Variants in DOCK3 observed in about 807,000 individuals in gnomAD.
The protein encoded by DOCK3 is dedicator of cytokinesis 3, also known as dedicator of cytokinesis protein 3.
DOCK3 carries 60 observed loss-of-function variants against 265.6 expected under a neutral mutation model. That is an observed-to-expected ratio of 0.23 (90% CI 0.18 to 0.28). The LOEUF is 0.28. Among genes scored for constraint, DOCK3 ranks in the 10% least tolerant of loss-of-function variants. The probability of loss-of-function intolerance (pLI) is 1.00; values close to 1 mark genes in which losing one functional copy is unlikely to be tolerated. For missense variants in DOCK3, 1,981 were observed against 2,594.3 expected (o/e 0.76, Z 5.14); for synonymous variants, 881 against 938.0 (o/e 0.94, Z 1.11).
chr3:51,060,162 A>G (rs1467173641), intron 5 of DOCK3, among the ~76,000 whole-genome samples: 1 of 135,380 alleles, frequency 7.4e-6, no homozygotes. Context: ...TAATAATAAA[A>G]TAAAATAAGA....
chr3:51,177,395 G>A (rs1276829034), intron 12 of DOCK3, among the ~76,000 whole-genome samples: 3 of 152,002 alleles, frequency 2.0e-5, no homozygotes, highest in East Asian at 3.9e-4. Context: ...AATAATATAG[G>A]CATAAATTAG....
chr3:51,025,335 T>C (rs2079768499), intron 5 of DOCK3, among the ~76,000 whole-genome samples: 1 of 151,964 alleles, frequency 6.6e-6, no homozygotes, highest in Non-Finnish European at 1.5e-5. Flanking sequence ...ACAGAGGAGT[T>C]TACAAAAGGA....
At chr3:50,883,216 T>C (rs1023835171) in intron 3 of DOCK3, among the ~76,000 whole-genome samples, 2 of 151,762 alleles carry the variant, frequency 1.3e-5, no homozygotes, top group Non-Finnish European at 1.5e-5. Flanking sequence ...TGTATACATA[T>C]GTAACAAACC....
At chr3:50,821,831 C>T (rs1206150790) in intron 2 of DOCK3, among the ~76,000 whole-genome samples, 2 of 152,018 alleles carry the variant, frequency 1.3e-5, no homozygotes, top group Non-Finnish European at 2.9e-5. Flanking sequence ...AGTTTTACAG[C>T]TTTATTTCTG....
At chr3:51,223,142 G>T (rs916706216) in intron 14 of DOCK3, among the ~76,000 whole-genome samples, 6 of 152,030 alleles carry the variant, frequency 3.9e-5, no homozygotes, top group African/African-American at 9.7e-5. Flanking sequence ...TCACTATATT[G>T]CCCAGGCTAG....
intron 1 of DOCK3, among the ~76,000 whole-genome samples, chr3:50,700,416 A>G (rs2035960823): frequency 6.6e-6 from 1 of 152,190 alleles, no homozygotes; most frequent in Non-Finnish European, 1.5e-5. Flanking sequence ...CCATTGACCA[A>G]CTGCCCCTTT....
At chr3:51,175,272 T>C (rs1242566142) in intron 12 of DOCK3, among the ~76,000 whole-genome samples, 1 of 152,142 alleles carries the variant, frequency 6.6e-6, no homozygotes, top group East Asian at 1.9e-4. Context: ...CAGGCCACTT[T>C]AAGATCCAAA....
Position 50,850,146 on chromosome 3 carries a change from C to A in DOCK3, c.162+8431C>A, listed in dbSNP as rs146044884. Among the ~76,000 whole-genome samples, 1,145 of 151,526 alleles carry A rather than the reference C, an allele frequency of 7.6e-3. 127 individuals carry two copies. The East Asian group carries it at 0.2, about 26-fold the overall frequency. The stretch of plus-strand genomic sequence containing the variant: ...CTGTAATCCCAGCACTTTGGGAGGC[C>A]GAGGCGGGTGGATCACCTGAGCTCA... On this transcript the variant is annotated intron_variant, in intron 3 of 52. Coordinates refer to ENST00000266037, the MANE Select transcript of DOCK3 (RefSeq NM_004947.5).
chr3:51,038,683 C>A lies in DOCK3; in HGVS notation c.316-25765C>A, dbSNP rs187815117. ...GCATATTGTTTTGTTTTGTTCATTA[C>A]AGTTTCTTTTGGACCCCAAGTAAGG... On this transcript the variant is annotated intron_variant, in intron 5 of 52. Transcript: ENST00000266037. Among the ~76,000 whole-genome samples the A allele has an allele frequency of 3.2e-3, 492 of 152,236 alleles. 7 individuals are homozygous for A. Among genetic ancestry groups the A allele is most frequent in the African/African-American group, 0.011 (449 of 41,538 alleles).
chr3:51,325,090 C>T lies in DOCK3; in HGVS notation c.3403-5048C>T, dbSNP rs77970963. ...AATGGGATCTAATTAAACTAAAGAG[C>T]TTCTGCACAGCAAAAGAAACTATCA... is the stretch of plus-strand genomic sequence containing the variant. On this transcript the variant is annotated intron_variant, in intron 32 of 52. Transcript: ENST00000266037. 6.6e-5 allele frequency among the ~76,000 whole-genome samples: 10 copies of T among 152,206 alleles called. 2 individuals carry two copies. Among genetic ancestry groups the T allele is most frequent in the African/African-American group, 2.4e-4 (10 of 41,546 alleles).
intron 9 of DOCK3, among the ~76,000 whole-genome samples, chr3:51,095,072 C>T (rs2082789174): frequency 6.6e-6 from 1 of 151,124 alleles, no homozygotes; most frequent in South Asian, 2.1e-4. Flanking sequence ...TGTGTCTTTG[C>T]ATGTGAGAAT....
Position 51,341,291 on chromosome 3 carries a change from C to A in DOCK3, c.3821C>A (p.Pro1274Gln), listed in dbSNP as rs1434177762. 6.2e-7 allele frequency: 1 copy of A among 1,611,246 alleles called. No individual in the cohort carries two copies. The highest frequency in any genetic ancestry group is 1.1e-5 in the South Asian group (1 of 90,590). ...YCELLQWEDR[P>Q]LREFLHYPSQ... ...GAGCTGCTGCAGTGGGAGGACCGGC[C>A]ACTACGGGAATTCCTCCACTACCCA... Residue 1274 changes from proline to glutamine, a missense_variant, in exon 38 of 53, where the codon CCA becomes CAA. Pro to Gln is a moderately conservative substitution (Grantham distance 76). Coordinates refer to ENST00000266037, the MANE Select transcript of DOCK3 (RefSeq NM_004947.5).
intron 9 of DOCK3, among the ~76,000 whole-genome samples, chr3:51,094,752 T>A (rs1052757659): frequency 6.6e-6 from 1 of 151,544 alleles, no homozygotes; most frequent in African/African-American, 2.4e-5. Context: ...TTAATTGTGA[T>A]GTTAGGGCAT....
chr3:51,290,137 G>A (rs574344883), intron 27 of DOCK3, among the ~76,000 whole-genome samples: 4 of 152,150 alleles, frequency 2.6e-5, no homozygotes, highest in South Asian at 2.1e-4. Flanking sequence ...CAATTCCTCA[G>A]GGATCTAGAA....
intron 5 of DOCK3, among the ~76,000 whole-genome samples, chr3:50,984,889 C>G (rs78615957): frequency 6.6e-6 from 1 of 151,960 alleles, no homozygotes; most frequent in African/African-American, 2.4e-5. Flanking sequence ...TGTAAGTAAC[C>G]TAGAGATGAT....
intron 22 of DOCK3, among the ~76,000 whole-genome samples, chr3:51,254,695 C>CT (rs915423899): frequency 6.6e-5 from 10 of 151,978 alleles, no homozygotes; most frequent in Middle Eastern, 3.4e-3. Flanking sequence ...GCAACCCCTG[C>CT]TTTTTTTTGT....
chr3:51,195,417 CT>C (rs756616391), intron 12 of DOCK3, among the ~76,000 whole-genome samples: 1 of 151,420 alleles, frequency 6.6e-6, no homozygotes, highest in Non-Finnish European at 1.5e-5. Flanking sequence ...GTTTTCTTTT[CT>C]TTTTTTGTTT....
At chr3:51,146,492 C>G in intron 9 of DOCK3, 57 bp from the exon 10 acceptor site, 1 of 1,521,568 alleles carries the variant, frequency 6.6e-7, no homozygotes, top group Non-Finnish European at 8.9e-7. Context: ...TGCCCTTTTT[C>G]TTTGTTCTGG....
At chr3:51,315,158 C>T (rs866802011) in intron 32 of DOCK3, 30 bp downstream of exon 32, 2 of 1,564,828 alleles carry the variant, frequency 1.3e-6, no homozygotes, top group Non-Finnish European at 1.7e-6. Context: ...TCGGGGTATT[C>T]TCTGGAATGG....
Sources: allele counts gnomAD v4.1 joint callset (sites outside exome capture counted in the v4.1 genomes callset), GRCh38; gene constraint gnomAD v4.1.1; transcripts MANE v1.5; gene names NCBI Gene and HGNC (gene_info 2026-07-23, HGNC 2026-07-21).